Variants in PRKN observed in about 807,000 individuals in gnomAD.
PRKN encodes the protein parkin RBR E3 ubiquitin protein ligase.
A neutral mutation model predicts 59.5 loss-of-function variants in PRKN; 56 were observed. The observed-to-expected ratio is 0.94, with a 90% CI of 0.76 to 1.18. The LOEUF (loss-of-function observed/expected upper bound fraction) is 1.18. Ranked by LOEUF, PRKN falls within the 50% of genes most tolerant of loss-of-function variation. PRKN has a pLI of 0.00. For missense variants in PRKN, 657 were observed against 596.4 expected (o/e 1.10, Z -1.06); for synonymous variants, 250 against 222.1 (o/e 1.13, Z -1.12).
intron 4 of PRKN, among the ~76,000 whole-genome samples, chr6:162,119,796 G>C (rs1183655570): frequency 6.6e-6 from 1 of 152,092 alleles, no homozygotes; most frequent in African/African-American, 2.4e-5. Flanking sequence ...AATCAGCTTT[G>C]TCTGAATCTA....
intron 2 of PRKN, among the ~76,000 whole-genome samples, chr6:162,299,489 C>A (rs1218717955): frequency 6.6e-6 from 1 of 152,102 alleles, no homozygotes. Flanking sequence ...TGTTCAGTGG[C>A]TTCAGTGAAT....
chr6:162,568,969 A>G lies in PRKN; in HGVS notation c.8-125496T>C, dbSNP rs148374105. On this transcript the variant is annotated intron_variant, in intron 1 of 11. Coordinates refer to ENST00000366898, the MANE Select transcript of PRKN (RefSeq NM_004562.3). The stretch of plus-strand genomic sequence containing the variant: ...TCTCAGCTGGAAGGGCTGGCTGACG[A>G]GATCAATTTCCTCAGGCAGCTGTAT... 1.4e-4 allele frequency: 91 copies of G among 673,634 alleles called. No homozygotes were observed. The East Asian group carries it at 2.3e-3, about 17-fold the overall frequency. The allele number at this position is 673,634 out of a possible 1,614,324, so 41.7% of individuals were successfully genotyped here.
chr6:161,468,359 A>G lies in PRKN; in HGVS notation c.1083+80495T>C, dbSNP rs1026195032. The stretch of plus-strand genomic sequence containing the variant: ...AAATAGTGTACTACGCCAGGTGTAG[A>G]CAGGAAGAGAGAAGAGGCAGTGGGT... On this transcript the variant is annotated intron_variant, in intron 9 of 11. Transcript: ENST00000366898. This position sits in a 1 kb window ranked among gnomAD's most constrained non-coding sequence, Gnocchi z 5.9. Among the ~76,000 whole-genome samples, 2 of 152,172 alleles carry G rather than the reference A, an allele frequency of 1.3e-5. No homozygotes were observed. Among genetic ancestry groups the G allele is most frequent in the African/African-American group, 2.4e-5 (1 of 41,448 alleles).
rs555920662 is a variant in PRKN, at chr6:161,461,551, G to C, written c.1084-74674C>G. 6.6e-6 allele frequency among the ~76,000 whole-genome samples: 1 copy of C among 152,220 alleles called. No individual in the cohort carries two copies. The highest frequency in any genetic ancestry group is 6.5e-5 in the Admixed American group (1 of 15,290). ...GGGGACCCTGAGTTAATAGGAAAGA[G>C]GAGGTGGATGCAGGAATCACTGGCC... On this transcript the variant is annotated intron_variant, in intron 9 of 11. Coordinates refer to ENST00000366898, the MANE Select transcript of PRKN (RefSeq NM_004562.3). This position sits in a 1 kb window ranked among gnomAD's most constrained non-coding sequence, Gnocchi z 5.1.
chr6:162,121,233 T>C (rs1475433611), intron 4 of PRKN, among the ~76,000 whole-genome samples: 1 of 152,104 alleles, frequency 6.6e-6, no homozygotes, highest in East Asian at 1.9e-4. Flanking sequence ...ACAGACCAGA[T>C]GAACAGAAAA....
chr6:161,815,347 A>C (rs975362512), intron 6 of PRKN, among the ~76,000 whole-genome samples: 4 of 152,250 alleles, frequency 2.6e-5, no homozygotes, highest in Non-Finnish European at 5.9e-5. Context: ...TACAAAGTTC[A>C]ACCATCCAAA....
intron 7 of PRKN, among the ~76,000 whole-genome samples, chr6:161,623,283 G>C (rs1250711696): frequency 6.6e-6 from 1 of 152,056 alleles, no homozygotes; most frequent in Admixed American, 6.5e-5. Flanking sequence ...TGATATCCTA[G>C]TTTTTCTGCC....
intron 1 of PRKN, among the ~76,000 whole-genome samples, chr6:162,508,327 G>T (rs1793696021): frequency 6.6e-6 from 1 of 152,180 alleles, no homozygotes; most frequent in Non-Finnish European, 1.5e-5. Context: ...TGAGATTTGG[G>T]TGGGCACACA....
intron 3 of PRKN, among the ~76,000 whole-genome samples, chr6:162,231,080 C>T (rs1260631979): frequency 2.0e-5 from 3 of 152,108 alleles, no homozygotes; most frequent in Admixed American, 6.6e-5. Context: ...GAAATTCGCT[C>T]CTCACTGGAA....
chr6:162,476,680 G>C (rs1169190749), intron 1 of PRKN, among the ~76,000 whole-genome samples: 2 of 152,052 alleles, frequency 1.3e-5, no homozygotes, highest in Non-Finnish European at 2.9e-5. Context: ...TCAACCTCAT[G>C]AACAAGAGAA....
At chr6:161,957,896 C>T (rs777737092) in intron 6 of PRKN, among the ~76,000 whole-genome samples, 4 of 152,148 alleles carry the variant, frequency 2.6e-5, no homozygotes, top group African/African-American at 4.8e-5. Flanking sequence ...TCATTAACTA[C>T]GCGGATCAAT....
chr6:162,272,440 T>C (rs1219098136), intron 2 of PRKN, among the ~76,000 whole-genome samples: 1 of 152,122 alleles, frequency 6.6e-6, no homozygotes, highest in Non-Finnish European at 1.5e-5. Context: ...TTTGACAGAA[T>C]TAAATTAATG....
In PRKN at chr6:162,194,699, G is replaced by A. The variant is rs181248739; in HGVS notation, c.534+6432C>T. ...TCTTTATGGTAATCCTTTTTTATAT[G>A]TTTATTTTTATATGTTTACTATGTT... On this transcript the variant is annotated intron_variant, in intron 4 of 11. Transcript: ENST00000366898. Among the ~76,000 whole-genome samples, 254 of 151,826 alleles carry A rather than the reference G, an allele frequency of 1.7e-3. 1 individual carries two copies. The highest frequency in any genetic ancestry group is 5.7e-3 in the African/African-American group (237 of 41,392).
At position 161,527,327 on chromosome 6, in the gene PRKN, C is replaced by T. The variant is rs1779050507; in HGVS notation, c.1083+21527G>A. 6.6e-6 allele frequency among the ~76,000 whole-genome samples: 1 copy of T among 152,104 alleles called. No individual in the cohort carries two copies. ...TATTTTGGGGTGAAGTGTCTTGAGCCCCAACGGCATCAAGTATGAACTTGG... is the reference window on the plus strand; with the variant it reads ...TATTTTGGGGTGAAGTGTCTTGAGCTCCAACGGCATCAAGTATGAACTTGG... On this transcript the variant is annotated intron_variant, in intron 9 of 11. Coordinates refer to ENST00000366898, the MANE Select transcript of PRKN (RefSeq NM_004562.3). This position sits in a 1 kb window ranked among gnomAD's most constrained non-coding sequence, Gnocchi z 4.6.
chr6:161,788,387 C>G (rs1439910429), intron 6 of PRKN, among the ~76,000 whole-genome samples: 4 of 152,130 alleles, frequency 2.6e-5, no homozygotes, highest in Non-Finnish European at 1.5e-5. Flanking sequence ...GAAGTGCACA[C>G]CTTCCAATAT....
rs1777876832 is a variant in PRKN at position 162,056,604 on chromosome 6, GA to G, written c.535-2431del. On this transcript the variant is annotated intron_variant, in intron 4 of 11. Coordinates refer to ENST00000366898, the MANE Select transcript of PRKN (RefSeq NM_004562.3). The surrounding 1 kb of genome is among the most constrained non-coding windows in gnomAD (Gnocchi z 4.9). ...AGCAGGACTGAAGCTGCGATGGTTT[GA>G]AAAGCCTGCTTTCAAGCTTGGCCCT... Among the ~76,000 whole-genome samples, 9 of 152,188 alleles carry G rather than the reference GA, an allele frequency of 5.9e-5. No homozygotes were observed. The highest frequency in any genetic ancestry group is 4.6e-4 in the Admixed American group (7 of 15,288).
Position 161,950,502 on chromosome 6 carries a change from G to A in PRKN, c.734+22800C>T, listed in dbSNP as rs117223511. Among the ~76,000 whole-genome samples, 373 of 152,214 alleles carry A rather than the reference G, an allele frequency of 2.5e-3. 7 individuals are homozygous for A. In the East Asian group the frequency reaches 0.06, roughly 24 times the overall value. On this transcript the variant is annotated intron_variant, in intron 6 of 11. Transcript: ENST00000366898. ...GATGTTTAAGTGAAGCCGAGATTGCGCCACTGCACTCCAGCCTGGGCGGCA... is the reference window on the plus strand; with the variant it reads ...GATGTTTAAGTGAAGCCGAGATTGCACCACTGCACTCCAGCCTGGGCGGCA...
intron 4 of PRKN, among the ~76,000 whole-genome samples, chr6:162,131,410 T>C (rs1379332733): frequency 2.6e-5 from 4 of 152,238 alleles, no homozygotes; most frequent in Non-Finnish European, 4.4e-5. Context: ...ATTTCCAGGT[T>C]TCTATAAAAA....
chr6:162,387,551 CACACAGAGAG>C lies in PRKN; in HGVS notation c.171+55749_171+55758del, dbSNP rs1287886348. On this transcript the variant is annotated intron_variant, in intron 2 of 11. Coordinates refer to ENST00000366898, the MANE Select transcript of PRKN (RefSeq NM_004562.3). ...CTCACAACACACACACACACACACA[CACACAGAGAG>C]AGAGAGAGAGAGAGAGAGAGAGAGA... 9.2e-3 allele frequency among the ~76,000 whole-genome samples: 705 copies of C among 76,460 alleles called. 5 individuals are homozygous for C. The highest frequency in any genetic ancestry group is 0.036 in the African/African-American group (656 of 18,412). The allele number at this position is 76,460 out of a possible 152,430, so 50.2% of individuals were successfully genotyped here. A position where few individuals can be genotyped will look rare whatever the true frequency, so the allele number is the denominator to read the frequency against.
Sources: allele counts gnomAD v4.1 joint callset (sites outside exome capture counted in the v4.1 genomes callset), GRCh38; gene constraint gnomAD v4.1.1; non-coding constraint Gnocchi (gnomAD v3.1); transcripts MANE v1.5; gene names NCBI Gene and HGNC (gene_info 2026-07-23, HGNC 2026-07-21).